Variants in NAXD observed in about 807,000 individuals in gnomAD.
NAXD encodes NAD(P)HX dehydratase.
In NAXD, 22 loss-of-function variants were observed where a neutral mutation model predicts 35.8. The ratio of observed to expected loss-of-function variants is 0.62; its 90% CI spans 0.44 to 0.88. The LOEUF (loss-of-function observed/expected upper bound fraction) is 0.88, where lower values mean the gene tolerates loss of function less well. Ranked by LOEUF, NAXD falls within the 40% of genes least tolerant of loss-of-function variation. NAXD has a pLI of 0.00. For synonymous variants in NAXD, 189 were observed against 177.6 expected (o/e 1.06, Z -0.51); for missense variants, 428 against 437.7 (o/e 0.98, Z 0.20).
At chr13:110,625,391 C>G (rs561341083) in intron 4 of NAXD, 113 bp downstream of exon 4, 250 of 726,884 alleles carry the variant, frequency 3.4e-4, no homozygotes, top group Non-Finnish European at 5.7e-4. Context: ...CAGAGTTTCT[C>G]AGCAGGTGCT....
chr13:110,626,549 C>T (rs915893556), intron 4 of NAXD, among the ~76,000 whole-genome samples: 3 of 24,874 alleles, frequency 1.2e-4, no homozygotes, highest in Admixed American at 6.0e-4. Flanking sequence ...GAGTAAGAGG[C>T]GGAGGGGGGC....
At chr13:110,630,934 C>G (rs1356292597) in intron 5 of NAXD, among the ~76,000 whole-genome samples, 1 of 152,210 alleles carries the variant, frequency 6.6e-6, no homozygotes, top group African/African-American at 2.4e-5. Context: ...ACGTCGAAAG[C>G]CCGAGTCCTC....
chr13:110,619,021 G>C (rs749956237), intron 1 of NAXD, among the ~76,000 whole-genome samples: 1 of 152,226 alleles, frequency 6.6e-6, no homozygotes, highest in Non-Finnish European at 1.5e-5. Flanking sequence ...GTGCCCTCCT[G>C]GGAGTGCTGG....
intron 5 of NAXD, among the ~76,000 whole-genome samples, chr13:110,633,703 CATA>C (rs967728366): frequency 8.9e-6 from 1 of 112,152 alleles, no homozygotes; most frequent in Admixed American, 1.2e-4. Context: ...TGTATTGGCT[CATA>C]ATAATAAAAA....
At chr13:110,622,451 T>G in intron 2 of NAXD, 85 bp downstream of exon 2, 1 of 1,377,966 alleles carries the variant, frequency 7.3e-7, no homozygotes, top group Non-Finnish European at 1.0e-6. Context: ...GCTGTCTAGT[T>G]TGACCTCAGT....
chr13:110,638,447 C>A lies in NAXD; in HGVS notation c.909C>A (p.Phe303Leu), dbSNP rs749392877. The A allele has an allele frequency of 2.5e-6, 4 of 1,613,534 alleles. No homozygotes were observed. Among genetic ancestry groups the A allele is most frequent in the Non-Finnish European group, 3.4e-6 (4 of 1,180,038 alleles). The change falls in exon 10 of 10, where the codon TTC (phenylalanine) becomes TTA (leucine). Residue 303 changes from phenylalanine (F) to leucine (L), a missense_variant. This residue lies in a region of NAXD where 209 missense variants were observed against 214.6 expected (regional missense o/e 0.97). Transcript: ENST00000680254. The surrounding 1 kb of genome is among the most constrained non-coding windows in gnomAD (Gnocchi z 5.4). ...SLTRQCNHQA[F>L]QKHGRSTTTS... ...CCAGGCAGTGCAACCACCAAGCCTT[C>A]CAGAAGCACGGTCGCTCCACCACCA...
At chr13:110,622,413 G>A (rs776917411) in intron 2 of NAXD, 47 bp downstream of exon 2, 1 of 1,595,284 alleles carries the variant, frequency 6.3e-7, no homozygotes, top group Non-Finnish European at 8.6e-7. Flanking sequence ...TCAGTTGCTG[G>A]CTGGCTGCTT....
At chr13:110,629,207 G>A (rs1340912137) in intron 5 of NAXD, among the ~76,000 whole-genome samples, 1 of 152,208 alleles carries the variant, frequency 6.6e-6, no homozygotes, top group African/African-American at 2.4e-5. Context: ...CCTATTCATA[G>A]CCCCATTCTT....
At chr13:110,634,985 C>T (rs910529781) in intron 7 of NAXD, among the ~76,000 whole-genome samples, 8 of 152,148 alleles carry the variant, frequency 5.3e-5, no homozygotes, top group Non-Finnish European at 7.3e-5. Flanking sequence ...GGCAGGGACT[C>T]GGGTCAGTCA....
At chr13:110,631,797 T>A (rs1422814907) in intron 5 of NAXD, among the ~76,000 whole-genome samples, 3 of 152,176 alleles carry the variant, frequency 2.0e-5, no homozygotes, top group Non-Finnish European at 4.4e-5. Context: ...GGTACCTGCC[T>A]CCCTGGAAGG....
intron 5 of NAXD, among the ~76,000 whole-genome samples, chr13:110,629,165 G>A (rs1183043478): frequency 6.7e-6 from 1 of 148,380 alleles, no homozygotes; most frequent in Non-Finnish European, 1.5e-5. Context: ...ATCATCTGGT[G>A]TAGGCCTGAA....
intron 4 of NAXD, among the ~76,000 whole-genome samples, chr13:110,626,759 G>A (rs1183956235): frequency 6.6e-6 from 1 of 152,214 alleles, no homozygotes; most frequent in African/African-American, 2.4e-5. Flanking sequence ...ACCCTGACAA[G>A]GGAGCTTGTC....
rs977241398 is a variant in NAXD at position 110,638,946 on chromosome 13, G to T, written c.*418G>T. On this transcript the variant is annotated 3_prime_UTR_variant, in exon 10 of 10. Coordinates refer to ENST00000680254, the MANE Select transcript of NAXD (RefSeq NM_001242882.2). The surrounding 1 kb of genome is among the most constrained non-coding windows in gnomAD (Gnocchi z 5.4). ...CTTCCCTTCCCTAGTCTTTCCTCCG[G>T]CAGGGAGCTGGGCAGGGGTCCCCGG... 11 of 357,692 alleles carry T rather than the reference G, an allele frequency of 3.1e-5. No homozygotes were observed. Among genetic ancestry groups the T allele is most frequent in the South Asian group, 8.6e-5 (4 of 46,518 alleles). 22.2% of individuals were successfully genotyped at this position (357,692 alleles called of 1,614,324 possible). A position where few individuals can be genotyped will look rare whatever the true frequency, so the allele number is the denominator to read the frequency against.
At chr13:110,630,790 TGTC>T (rs1468963066) in intron 5 of NAXD, among the ~76,000 whole-genome samples, 1 of 152,172 alleles carries the variant, frequency 6.6e-6, no homozygotes, top group Non-Finnish European at 1.5e-5. Flanking sequence ...CCTCCCAACT[TGTC>T]ATCCTCCCTG....
In NAXD at chr13:110,615,650, A is replaced by G; in HGVS notation, c.46+3A>G. The G allele has an allele frequency of 6.6e-7, 1 of 1,505,092 alleles. No homozygotes were observed. Among genetic ancestry groups the G allele is most frequent in the Non-Finnish European group, 8.8e-7 (1 of 1,132,492 alleles). The allele number at this position is 1,505,092 out of a possible 1,614,324, so 93.2% of individuals were successfully genotyped here. On this transcript the variant is annotated splice_donor_region_variant and intron_variant, in intron 1 of 9. Coordinates refer to ENST00000680254, the MANE Select transcript of NAXD (RefSeq NM_001242882.2). ...GGCAATCCGGGCTTGCAGACGAGGTAAGGTCGATTCCATTTGGCCCGGGGA... is the reference window on the plus strand; with the variant it reads ...GGCAATCCGGGCTTGCAGACGAGGTGAGGTCGATTCCATTTGGCCCGGGGA...
chr13:110,620,635 T>C (rs1886228913), intron 1 of NAXD, among the ~76,000 whole-genome samples: 1 of 151,998 alleles, frequency 6.6e-6, no homozygotes, highest in African/African-American at 2.4e-5. Flanking sequence ...TCTTTTTATC[T>C]TGGGGAATCC....
chr13:110,633,089 C>T (rs1236971893), intron 5 of NAXD, among the ~76,000 whole-genome samples: 3 of 151,916 alleles, frequency 2.0e-5, no homozygotes, highest in Non-Finnish European at 1.5e-5. Flanking sequence ...GGGTGGTGCT[C>T]GTCGGGGAGG....
At chr13:110,621,094 A>G (rs555993356) in intron 1 of NAXD, among the ~76,000 whole-genome samples, 1 of 152,178 alleles carries the variant, frequency 6.6e-6, no homozygotes, top group Admixed American at 6.5e-5. Context: ...CTTTGAACCC[A>G]ATTTAAGAGG....
intron 9 of NAXD, 135 bp downstream of exon 9, chr13:110,637,384 A>G (rs1886970199): frequency 2.8e-6 from 3 of 1,079,124 alleles, no homozygotes; most frequent in East Asian, 2.5e-5. Context: ...AGATCTCGGC[A>G]CAGACGAACC....
Sources: gnomAD v4.1 joint callset for allele counts (sites outside exome capture counted in the v4.1 genomes callset) on GRCh38, gnomAD v4.1.1 for gene constraint, gnomAD v4.1.1 regional missense constraint, Gnocchi (gnomAD v3.1) non-coding constraint, MANE v1.5 for transcripts, NCBI Gene and HGNC (gene_info 2026-07-23, HGNC 2026-07-21) for gene names.